BNC2: variants seen among roughly 807,000 people sequenced by gnomAD.
The protein encoded by BNC2 is zinc finger protein basonuclin-2.
Under a neutral mutation model 76.3 loss-of-function variants are expected in BNC2, and 20 were observed. The observed-to-expected ratio is 0.26, with a 90% CI of 0.18 to 0.38. The LOEUF is 0.38. Among genes scored for constraint, BNC2 ranks in the 10% least tolerant of loss-of-function variants. The probability of loss-of-function intolerance (pLI) is 1.00; values close to 1 mark genes in which losing one functional copy is unlikely to be tolerated. For missense variants in BNC2, 1,382 were observed against 1,399.8 expected, an observed-to-expected ratio of 0.99 and a Z score of 0.20; for synonymous variants, 582 against 514.8, an observed-to-expected ratio of 1.13 and a Z score of -1.77.
At chr9:16,768,088 C>G (rs549519352) in intron 1 of BNC2, among the ~76,000 whole-genome samples, 3 of 151,778 alleles carry the variant, frequency 2.0e-5, no homozygotes, top group African/African-American at 7.2e-5. Flanking sequence ...GCCTCAGTCT[C>G]TCGAGTAGCT....
At chr9:16,622,251 T>C (rs1220635171) in intron 3 of BNC2, among the ~76,000 whole-genome samples, 1 of 152,146 alleles carries the variant, frequency 6.6e-6, no homozygotes, top group African/African-American at 2.4e-5. Context: ...AAAGAAGCAG[T>C]GAAGAACACC....
intron 1 of BNC2, among the ~76,000 whole-genome samples, chr9:16,798,538 TCCAAACA>T (rs1817708967): frequency 6.6e-6 from 1 of 152,160 alleles, no homozygotes; most frequent in Non-Finnish European, 1.5e-5. Context: ...GTCTCTTGAC[TCCAAACA>T]CTAGACTTCT....
chr9:16,546,076 T>C (rs892282189), intron 5 of BNC2, among the ~76,000 whole-genome samples: 1 of 152,196 alleles, frequency 6.6e-6, no homozygotes, highest in Admixed American at 6.5e-5. Context: ...ACATTTGGCA[T>C]TGGTAGAGAA....
At chr9:16,752,465 T>C (rs1025667762) in intron 1 of BNC2, among the ~76,000 whole-genome samples, 3 of 152,226 alleles carry the variant, frequency 2.0e-5, no homozygotes, top group African/African-American at 7.2e-5. Context: ...AGACGTTTCA[T>C]GCTGTTGTAC....
intron 4 of BNC2, among the ~76,000 whole-genome samples, chr9:16,560,371 T>C (rs896216922): frequency 6.6e-6 from 1 of 152,340 alleles, no homozygotes; most frequent in East Asian, 1.9e-4. Context: ...GGAAAGCTTA[T>C]AATTTTATTT....
At chr9:16,859,781 C>T (rs1412117377) in intron 1 of BNC2, among the ~76,000 whole-genome samples, 1 of 152,210 alleles carries the variant, frequency 6.6e-6, no homozygotes, top group Non-Finnish European at 1.5e-5. Flanking sequence ...TAGAGATCTG[C>T]TGTACGTTAA....
intron 3 of BNC2, among the ~76,000 whole-genome samples, chr9:16,669,694 A>AAT (rs2134163837): frequency 6.6e-6 from 1 of 152,338 alleles, no homozygotes; most frequent in Non-Finnish European, 1.5e-5. Context: ...TACCTGCACA[A>AAT]ATAGAGAACT....
chr9:16,629,251 A>C (rs1174652506), intron 3 of BNC2, among the ~76,000 whole-genome samples: 1 of 152,210 alleles, frequency 6.6e-6, no homozygotes, highest in African/African-American at 2.4e-5. Flanking sequence ...CTAATCCAAA[A>C]ATTATATTAA....
chr9:16,810,566 T>C (rs1379308488), intron 1 of BNC2, among the ~76,000 whole-genome samples: 1 of 152,356 alleles, frequency 6.6e-6, no homozygotes, highest in South Asian at 2.1e-4. Context: ...AAGCAGACCC[T>C]GCAGCCAAAT....
In BNC2 at chr9:16,410,070, G is replaced by A. The variant is rs1242427319; in HGVS notation, c.*8919C>T. The A allele has an allele frequency of 6.6e-6, 1 of 152,154 alleles. No individual in the cohort carries two copies. Among genetic ancestry groups the A allele is most frequent in the Non-Finnish European group, 1.5e-5 (1 of 68,038 alleles). 9.4% of individuals were successfully genotyped at this position (152,154 alleles called of 1,614,324 possible). A position where few individuals can be genotyped will look rare whatever the true frequency, so the allele number is the denominator to read the frequency against. On this transcript the variant is annotated 3_prime_UTR_variant, in exon 7 of 7. Transcript: ENST00000380672. Reference sequence around the variant, plus strand: ...TGAGTCCAATAATTTTGTTACTGGAGACACACCAATGGGTCTGGAGTAAGA... The same window carrying A: ...TGAGTCCAATAATTTTGTTACTGGAAACACACCAATGGGTCTGGAGTAAGA...
chr9:16,618,335 C>G (rs1007339882), intron 3 of BNC2, among the ~76,000 whole-genome samples: 1 of 152,182 alleles, frequency 6.6e-6, no homozygotes, highest in African/African-American at 2.4e-5. Context: ...TCAGTTCATT[C>G]TATAACAGCA....
At chr9:16,503,770 C>G (rs775008333) in intron 5 of BNC2, among the ~76,000 whole-genome samples, 1 of 152,108 alleles carries the variant, frequency 6.6e-6, no homozygotes, top group Admixed American at 6.6e-5. Flanking sequence ...TATGGATATA[C>G]AAACTACAAA....
intron 1 of BNC2, among the ~76,000 whole-genome samples, chr9:16,808,364 A>C (rs1817962324): frequency 6.6e-6 from 1 of 151,762 alleles, no homozygotes; most frequent in Non-Finnish European, 1.5e-5. Context: ...CATTAGAAGG[A>C]TCCCTCAAAT....
At chr9:16,795,561 A>G (rs555606233) in intron 1 of BNC2, among the ~76,000 whole-genome samples, 3 of 152,206 alleles carry the variant, frequency 2.0e-5, no homozygotes, top group African/African-American at 7.2e-5. Context: ...CACCCTCCAC[A>G]TCACTGCCAG....
At chr9:16,565,996 A>G (rs2132751991) in intron 4 of BNC2, among the ~76,000 whole-genome samples, 1 of 152,290 alleles carries the variant, frequency 6.6e-6, no homozygotes, top group Non-Finnish European at 1.5e-5. Flanking sequence ...TTCCATCCGT[A>G]AAGCTGTATT....
intron 1 of BNC2, among the ~76,000 whole-genome samples, chr9:16,802,109 G>C (rs1471651661): frequency 6.6e-6 from 1 of 152,158 alleles, no homozygotes; most frequent in Non-Finnish European, 1.5e-5. Flanking sequence ...AAAAAACATA[G>C]CTATCATTCA....
At chr9:16,548,122 T>A (rs1284215057) in intron 5 of BNC2, among the ~76,000 whole-genome samples, 1 of 152,212 alleles carries the variant, frequency 6.6e-6, no homozygotes, top group Non-Finnish European at 1.5e-5. Context: ...CTTCTCTGAA[T>A]TCTGGCAGGA....
chr9:16,476,611 C>T (rs1933837766), intron 5 of BNC2, among the ~76,000 whole-genome samples: 1 of 151,922 alleles, frequency 6.6e-6, no homozygotes, highest in Non-Finnish European at 1.5e-5. Context: ...TGTCCCCTCC[C>T]CCTAGTCTGT....
intron 1 of BNC2, among the ~76,000 whole-genome samples, chr9:16,765,689 TGC>T (rs1238130610): frequency 6.6e-6 from 1 of 152,132 alleles, no homozygotes; most frequent in Non-Finnish European, 1.5e-5. Context: ...TCATGAATGA[TGC>T]CTTAATTAAA....
Sources: gnomAD v4.1 joint callset for allele counts (sites outside exome capture counted in the v4.1 genomes callset) on GRCh38, gnomAD v4.1.1 for gene constraint, MANE v1.5 for transcripts, NCBI Gene and HGNC (gene_info 2026-07-23, HGNC 2026-07-21) for gene names.